Variants in MED13L observed in about 807,000 individuals in gnomAD.
The protein encoded by MED13L is mediator complex subunit 13L, also known as mediator of RNA polymerase II transcription subunit 13-like.
Under a neutral mutation model 220.9 loss-of-function variants are expected in MED13L, and 7 were observed. The ratio of observed to expected loss-of-function variants is 0.03; its 90% CI spans 0.02 to 0.06. MED13L has a LOEUF of 0.06. MED13L is among the 10% of genes least tolerant of loss of function. The pLI, the probability that MED13L is intolerant of heterozygous loss-of-function variation, is 1.00. For missense variants in MED13L, 1,965 were observed against 2,760.5 expected (o/e 0.71, Z 6.46); for synonymous variants, 1,011 against 1,015.2 (o/e 1.00, Z 0.08).
At chr12:116,160,462 A>C (rs1035096538) in intron 2 of MED13L, among the ~76,000 whole-genome samples, 1 of 152,162 alleles carries the variant, frequency 6.6e-6, no homozygotes, top group Non-Finnish European at 1.5e-5. Flanking sequence ...TGTAGCAGGA[A>C]ACCTGGATCT....
chr12:116,148,568 T>C, intron 2 of MED13L: 2 of 307,300 alleles, frequency 6.5e-6, no homozygotes, highest in African/African-American at 2.3e-5. Context: ...ACTTCTTTGC[T>C]TGTTTTATTT....
At chr12:116,149,909 A>T (rs2138086987) in intron 2 of MED13L, among the ~76,000 whole-genome samples, 1 of 152,370 alleles carries the variant, frequency 6.6e-6, no homozygotes, top group Non-Finnish European at 1.5e-5. Context: ...GGGCTGAGGA[A>T]GAAATGGAAG....
At chr12:116,142,461 G>A (rs1415025905) in intron 2 of MED13L, among the ~76,000 whole-genome samples, 3 of 152,198 alleles carry the variant, frequency 2.0e-5, no homozygotes, top group Non-Finnish European at 4.4e-5. Flanking sequence ...GCCGAAGCAG[G>A]TGGCTCACCT....
At chr12:115,976,073 C>T (rs1002824533) in intron 23 of MED13L, among the ~76,000 whole-genome samples, 2 of 151,608 alleles carry the variant, frequency 1.3e-5, no homozygotes, top group East Asian at 1.9e-4. Context: ...ACCAGTATGT[C>T]GAAAATAAAA....
At chr12:116,172,962 C>T (rs922822687) in intron 2 of MED13L, among the ~76,000 whole-genome samples, 1 of 150,006 alleles carries the variant, frequency 6.7e-6, no homozygotes, top group Non-Finnish European at 1.5e-5. Context: ...CTATTCCGTG[C>T]TATACAACAG....
chr12:115,968,065 C>CCCCG (rs1555240719), intron 28 of MED13L, among the ~76,000 whole-genome samples: 3 of 138,408 alleles, frequency 2.2e-5, no homozygotes, highest in Admixed American at 7.1e-5. Context: ...CCCCCCCCCC[C>CCCCG]CCGATGAAAA....
intron 2 of MED13L, among the ~76,000 whole-genome samples, chr12:116,216,798 A>C (rs1469396762): frequency 6.6e-6 from 1 of 152,204 alleles, no homozygotes; most frequent in Non-Finnish European, 1.5e-5. Context: ...TTTGAAAACT[A>C]GTTACTGTAG....
At chr12:116,040,492 G>C (rs1881457857) in intron 4 of MED13L, among the ~76,000 whole-genome samples, 1 of 152,094 alleles carries the variant, frequency 6.6e-6, no homozygotes, top group African/African-American at 2.4e-5. Flanking sequence ...TCCACTTTAA[G>C]GTTCTCCTTT....
chr12:116,207,536 C>T (rs1315404632), intron 2 of MED13L, among the ~76,000 whole-genome samples: 2 of 152,094 alleles, frequency 1.3e-5, no homozygotes, highest in African/African-American at 4.8e-5. Context: ...ATTTCAATAA[C>T]AGACAACAAC....
chr12:116,208,107 A>G (rs1025178692), intron 2 of MED13L, among the ~76,000 whole-genome samples: 8 of 152,352 alleles, frequency 5.3e-5, no homozygotes, highest in South Asian at 4.1e-4. Flanking sequence ...ATCGAGAAGG[A>G]TAACAGGCTG....
chr12:116,134,582 C>T (rs1297809013), intron 2 of MED13L, among the ~76,000 whole-genome samples: 1 of 152,080 alleles, frequency 6.6e-6, no homozygotes, highest in Non-Finnish European at 1.5e-5. Context: ...ACAGATTTTT[C>T]ATAAAACTTT....
chr12:115,997,821 A>G (rs953054963), intron 14 of MED13L, among the ~76,000 whole-genome samples: 1 of 152,232 alleles, frequency 6.6e-6, no homozygotes, highest in Non-Finnish European at 1.5e-5. Flanking sequence ...TCTTCCAACA[A>G]CTGATTCCCT....
chr12:116,150,576 A>G lies in MED13L; in HGVS notation c.311-39064T>C, dbSNP rs182472299. Among the ~76,000 whole-genome samples, 24 of 152,194 alleles carry G rather than the reference A, an allele frequency of 1.6e-4. No individual in the cohort carries two copies. In the East Asian group the frequency reaches 2.9e-3, roughly 18 times the overall value. Reference sequence around the variant, plus strand: ...TCCTCCACTGCACCTCTGCCACTCAACTTCGCTAAGTGTTCCTATACAAGC... The same window carrying G: ...TCCTCCACTGCACCTCTGCCACTCAGCTTCGCTAAGTGTTCCTATACAAGC... On this transcript the variant is annotated intron_variant, in intron 2 of 30. Coordinates refer to ENST00000281928, the MANE Select transcript of MED13L (RefSeq NM_015335.5).
chr12:116,167,689 AC>A (rs1879380362), intron 2 of MED13L, among the ~76,000 whole-genome samples: 1 of 152,178 alleles, frequency 6.6e-6, no homozygotes, highest in African/African-American at 2.4e-5. Context: ...AAGTTTAGCT[AC>A]CCTAAGAAAG....
chr12:116,268,281 C>T (rs966712001), intron 1 of MED13L, among the ~76,000 whole-genome samples: 10 of 152,276 alleles, frequency 6.6e-5, no homozygotes, highest in Admixed American at 6.5e-4. Context: ...GGCACAAATA[C>T]TAGGAGCTAG....
At chr12:116,188,810 T>C (rs1249996642) in intron 2 of MED13L, among the ~76,000 whole-genome samples, 5 of 152,170 alleles carry the variant, frequency 3.3e-5, no homozygotes, top group Admixed American at 6.5e-5. Context: ...GTTACATAAA[T>C]GGAATCATAC....
At chr12:116,148,101 G>A (rs1375192686) in intron 2 of MED13L, among the ~76,000 whole-genome samples, 2 of 144,062 alleles carry the variant, frequency 1.4e-5, no homozygotes, top group Non-Finnish European at 3.1e-5. Context: ...GAGGGGGGCG[G>A]GGGTTCAAGC....
rs1408077758 is a variant in MED13L, at chr12:115,997,021, C to G, written c.2779G>C (p.Glu927Gln). 1 of 1,613,480 alleles carries G rather than the reference C, an allele frequency of 6.2e-7. No individual in the cohort carries two copies. The highest frequency in any genetic ancestry group is 1.3e-5 in the African/African-American group (1 of 75,018). ...VEDGLGSPKP[E>Q]EIKDFSYVHK... is the part of the protein sequence containing the mutation. ...ATATTGACAACTACCTTAATTTCCTCGGGCTTGGGACTTCCTAATCCATCT... is the reference window on the plus strand; with the variant it reads ...ATATTGACAACTACCTTAATTTCCTGGGGCTTGGGACTTCCTAATCCATCT... The change falls in exon 15 of 31, where the codon GAG becomes CAG. Residue 927 changes from glutamate (E) to glutamine (Q), a missense_variant. Physicochemically the swap from Glu to Gln is conservative, Grantham distance 29 (BLOSUM62 2). Transcript: ENST00000281928.
intron 1 of MED13L, among the ~76,000 whole-genome samples, chr12:116,251,789 T>A (rs1460294910): frequency 6.7e-6 from 1 of 149,520 alleles, no homozygotes; most frequent in Non-Finnish European, 1.5e-5. Flanking sequence ...CCCAACTACA[T>A]GTTACCTACA....
Sources: allele counts gnomAD v4.1 joint callset (sites outside exome capture counted in the v4.1 genomes callset), GRCh38; gene constraint gnomAD v4.1.1; transcripts MANE v1.5; gene names NCBI Gene and HGNC (gene_info 2026-07-23, HGNC 2026-07-21).